The following CCDC181 variants were observed in gnomAD, a reference collection of about 807,000 sequenced individuals.
CCDC181 encodes the protein coiled-coil domain-containing protein 181.
CCDC181 carries 35 observed loss-of-function variants against 58.7 expected under a neutral mutation model. The ratio of observed to expected loss-of-function variants is 0.60; its 90% CI spans 0.46 to 0.79. The LOEUF is 0.79. Ranked by LOEUF, CCDC181 falls within the 30% of genes least tolerant of loss-of-function variation. CCDC181 has a pLI of 0.00. For missense variants in CCDC181, 517 were observed against 583.9 expected (o/e 0.89, Z 1.18); for synonymous variants, 183 against 197.5 (o/e 0.93, Z 0.62).
At chr1:169,449,879 C>T (rs967614652) in intron 2 of CCDC181, among the ~76,000 whole-genome samples, 1 of 152,168 alleles carries the variant, frequency 6.6e-6, no homozygotes, top group African/African-American at 2.4e-5. Context: ...CTCACAGATA[C>T]ACCTAGGATC....
At position 169,406,725 on chromosome 1, in the gene CCDC181, T is replaced by G. The variant is rs182855188; in HGVS notation, c.1216-9334A>C. Among the ~76,000 whole-genome samples the G allele has an allele frequency of 9.6e-3, 1,461 of 151,974 alleles. 15 individuals are homozygous for G. The highest frequency in any genetic ancestry group is 0.016 in the Non-Finnish European group (1,103 of 67,986). On this transcript the variant is annotated intron_variant, in intron 4 of 5. Coordinates refer to ENST00000367806, the MANE Select transcript of CCDC181 (RefSeq NM_001300969.2). ...GGGTGCAGCACACCAACATGGCACA[T>G]GTATACATATGTAACAAACCTGCAC...
At chr1:169,455,098 G>A (rs1394147909) in intron 2 of CCDC181, among the ~76,000 whole-genome samples, 1 of 151,490 alleles carries the variant, frequency 6.6e-6, no homozygotes, top group Non-Finnish European at 1.5e-5. Context: ...CCTGTCTATT[G>A]ACTAAATGAG....
intron 4 of CCDC181, among the ~76,000 whole-genome samples, chr1:169,403,417 A>C (rs1218242831): frequency 6.6e-6 from 1 of 152,188 alleles, no homozygotes; most frequent in Non-Finnish European, 1.5e-5. Flanking sequence ...AAAGTAAAGC[A>C]CTCCTCAGCA....
intron 2 of CCDC181, among the ~76,000 whole-genome samples, chr1:169,439,638 T>C (rs34202538): frequency 0.27 from 40,325 of 151,964 alleles, 6,715 homozygotes; most frequent in Non-Finnish European, 0.38. Context: ...CACAGACAGC[T>C]AAGTGTTACA....
At chr1:169,437,201 G>C (rs1657080227) in intron 2 of CCDC181, among the ~76,000 whole-genome samples, 1 of 152,194 alleles carries the variant, frequency 6.6e-6, no homozygotes, top group Non-Finnish European at 1.5e-5. Context: ...CACAAGATCA[G>C]ATGAGCCAGT....
In CCDC181 at chr1:169,452,107, A is replaced by G. The variant is rs550668732; in HGVS notation, c.-24+7690T>C. 1.1e-4 allele frequency among the ~76,000 whole-genome samples: 17 copies of G among 147,858 alleles called. No individual in the cohort carries two copies. In the South Asian group the frequency reaches 3.3e-3, roughly 28 times the overall value. On this transcript the variant is annotated intron_variant, in intron 2 of 6. Coordinates refer to the CCDC181 transcript ENST00000545005. ...ACAGAGAGGAAATGTAGATGAGAAG[A>G]AAAAAAAAAAGAGATTGGAGAACTT...
chr1:169,445,188 G>A (rs1657339634), intron 2 of CCDC181, among the ~76,000 whole-genome samples: 2 of 152,142 alleles, frequency 1.3e-5, no homozygotes, highest in African/African-American at 4.8e-5. Flanking sequence ...TCGTTCAGAT[G>A]AGAGTGGATA....
In CCDC181 at chr1:169,427,406, C is replaced by T. The variant is rs1656763259; in HGVS notation, c.-142G>A. ...CCCCGGCACCTGCCTCCGCGGCAGCCAGGACCACACTGCCATGGCAACAGC... is the reference window on the plus strand; with the variant it reads ...CCCCGGCACCTGCCTCCGCGGCAGCTAGGACCACACTGCCATGGCAACAGC... On this transcript the variant is annotated 5_prime_UTR_variant, in exon 1 of 6. It introduces an in-frame stop codon into an upstream open reading frame of the 5' UTR. Transcript: ENST00000367806. 1 of 152,396 alleles carries T rather than the reference C, an allele frequency of 6.6e-6. No homozygotes were observed. The highest frequency in any genetic ancestry group is 1.5e-5 in the Non-Finnish European group (1 of 68,186). The allele number at this position is 152,396 out of a possible 1,614,324, so 9.4% of individuals were successfully genotyped here. A position where few individuals can be genotyped will look rare whatever the true frequency, so the allele number is the denominator to read the frequency against.
chr1:169,437,187 G>C lies in CCDC181; in HGVS notation c.-23-12237C>G, dbSNP rs963718534. On this transcript the variant is annotated intron_variant, in intron 2 of 6. Coordinates refer to the CCDC181 transcript ENST00000545005. ...CTCCTTGCACTGAGTTCCTGGGTGG[G>C]GGCCACAAGATCAGATGAGCCAGTT... 2.0e-5 allele frequency among the ~76,000 whole-genome samples: 3 copies of C among 152,130 alleles called. 1 individual carries two copies. The South Asian group carries it at 6.2e-4, about 32-fold the overall frequency.
chr1:169,405,399 G>A (rs1253283618), intron 4 of CCDC181, among the ~76,000 whole-genome samples: 2 of 152,116 alleles, frequency 1.3e-5, no homozygotes, highest in Non-Finnish European at 2.9e-5. Flanking sequence ...CTACCTGACT[G>A]CAAACTACAC....
intron 2 of CCDC181, among the ~76,000 whole-genome samples, chr1:169,439,409 A>T (rs141063118): frequency 1.4e-3 from 214 of 152,270 alleles, no homozygotes; most frequent in African/African-American, 4.9e-3. Context: ...AATTAAATCC[A>T]TTCATATTAT....
Position 169,403,101 on chromosome 1 carries a change from A to G in CCDC181, c.1216-5710T>C, listed in dbSNP as rs139375080. On this transcript the variant is annotated intron_variant, in intron 4 of 5. Coordinates refer to ENST00000367806, the MANE Select transcript of CCDC181 (RefSeq NM_001300969.2). ...ATAATGATGGGGTATCAATCCAATG[A>G]GAAGAGCGAACTATCCTAAATATAT... 3.7e-3 allele frequency among the ~76,000 whole-genome samples: 567 copies of G among 152,344 alleles called. 1 individual carries two copies. Among genetic ancestry groups the G allele is most frequent in the Non-Finnish European group, 6.0e-3 (409 of 68,032 alleles).
At chr1:169,424,276 T>G (rs1656619269) in intron 2 of CCDC181, among the ~76,000 whole-genome samples, 1 of 151,962 alleles carries the variant, frequency 6.6e-6, no homozygotes, top group Non-Finnish European at 1.5e-5. Context: ...CCATGCTTAA[T>G]GCATCCACTT....
chr1:169,400,825 G>A (rs1009057100), intron 4 of CCDC181, among the ~76,000 whole-genome samples: 4 of 152,160 alleles, frequency 2.6e-5, no homozygotes, highest in African/African-American at 9.7e-5. Flanking sequence ...CAGACAGTGG[G>A]TGCAGCCCAC....
At chr1:169,429,140 C>T (rs1227957241), upstream of CCDC181, among the ~76,000 whole-genome samples, 2 of 152,196 alleles carry the variant, frequency 1.3e-5, no homozygotes, top group East Asian at 1.9e-4. Context: ...AATTTCATTC[C>T]TTCATATGAC....
intron 2 of CCDC181, among the ~76,000 whole-genome samples, chr1:169,437,462 G>A (rs1022519067): frequency 1.1e-4 from 17 of 152,216 alleles, no homozygotes; most frequent in African/African-American, 3.9e-4. Context: ...TTCAGCCTAT[G>A]CCCAGGAATG....
chr1:169,398,944 CAAT>C (rs746008291), intron 4 of CCDC181, among the ~76,000 whole-genome samples: 4 of 151,988 alleles, frequency 2.6e-5, no homozygotes, highest in Non-Finnish European at 5.9e-5. Flanking sequence ...ACAGTGGTAA[CAAT>C]AAGAGCAAAG....
chr1:169,410,941 A>T (rs1211838936), intron 4 of CCDC181, among the ~76,000 whole-genome samples: 1 of 152,254 alleles, frequency 6.6e-6, no homozygotes, highest in Non-Finnish European at 1.5e-5. Context: ...GAAAGCGGGA[A>T]ACATCTAAAA....
chr1:169,424,829 A>G lies in CCDC181; in HGVS notation c.99T>C (p.Ser33=), dbSNP rs1300244488. The change falls in exon 2 of 6, where the codon AGT becomes AGC. Residue 33 remains serine, a synonymous_variant. Transcript: ENST00000367806. ...LEWLINENEK[S]DASIIEMACE... is the part of the protein sequence containing the mutation. ...TATATACCTCTATTATGCTGGCATCACTTTTTTCATTTTCATTAATTAACC... is the reference window on the plus strand; with the variant it reads ...TATATACCTCTATTATGCTGGCATCGCTTTTTTCATTTTCATTAATTAACC... 7 of 1,586,540 alleles carry G rather than the reference A, an allele frequency of 4.4e-6. No homozygotes were observed. In the Admixed American group the frequency reaches 5.1e-5, roughly 12 times the overall value.
Sources: gnomAD v4.1 joint callset for allele counts (sites outside exome capture counted in the v4.1 genomes callset) on GRCh38, gnomAD v4.1.1 for gene constraint, MANE v1.5 for transcripts, NCBI Gene and HGNC (gene_info 2026-07-23, HGNC 2026-07-21) for gene names.